Variants in CLDN10 observed in about 807,000 individuals in gnomAD.
The protein encoded by CLDN10 is claudin-10.
Under a neutral mutation model 22.9 loss-of-function variants are expected in CLDN10, and 15 were observed. That is an observed-to-expected ratio of 0.65 (90% CI 0.44 to 1.01). The LOEUF (loss-of-function observed/expected upper bound fraction) is 1.01. Ranked by LOEUF, CLDN10 falls within the 50% of genes least tolerant of loss-of-function variation. The probability of loss-of-function intolerance (pLI) is 0.00; values close to 1 mark genes in which losing one functional copy is unlikely to be tolerated. For synonymous variants in CLDN10, 114 were observed against 111.4 expected, an observed-to-expected ratio of 1.02 and a Z score of -0.15; for missense variants, 247 against 287.8, an observed-to-expected ratio of 0.86 and a Z score of 1.03.
chr13:95,472,852 G>A (rs1272172661), intron 1 of CLDN10, among the ~76,000 whole-genome samples: 1 of 151,644 alleles, frequency 6.6e-6, no homozygotes, highest in Admixed American at 6.6e-5. Flanking sequence ...AGAATCAGGT[G>A]CTCTCTGTCC....
intron 1 of CLDN10, among the ~76,000 whole-genome samples, chr13:95,474,102 T>G (rs1193450544): frequency 6.6e-6 from 1 of 152,202 alleles, no homozygotes; most frequent in Non-Finnish European, 1.5e-5. Flanking sequence ...GAAATAATTA[T>G]ACAACTCACC....
At chr13:95,475,788 C>A (rs1481883525) in intron 1 of CLDN10, among the ~76,000 whole-genome samples, 2 of 147,850 alleles carry the variant, frequency 1.4e-5, no homozygotes, top group Non-Finnish European at 3.0e-5. Flanking sequence ...GTCCCTGCAT[C>A]TCTCTCTCTC....
intron 1 of CLDN10, among the ~76,000 whole-genome samples, chr13:95,504,448 C>T (rs189481265): frequency 1.3e-3 from 200 of 152,230 alleles, no homozygotes; most frequent in African/African-American, 4.7e-3. Flanking sequence ...GGCCTGATCT[C>T]AGCTCACTAC....
At chr13:95,492,263 C>T (rs539966177) in intron 1 of CLDN10, among the ~76,000 whole-genome samples, 3 of 139,760 alleles carry the variant, frequency 2.1e-5, no homozygotes, top group East Asian at 2.3e-4. Context: ...CCTACCAGGG[C>T]GGGTAGGGAA....
At chr13:95,570,864 A>G (rs201696463) in intron 3 of CLDN10, among the ~76,000 whole-genome samples, 35,442 of 136,662 alleles carry the variant, frequency 0.26, 5,443 homozygotes, top group Non-Finnish European at 0.34. Context: ...GTGTGTATAT[A>G]TATATATATA....
chr13:95,514,088 T>C (rs1034687448), intron 1 of CLDN10, among the ~76,000 whole-genome samples: 2 of 152,074 alleles, frequency 1.3e-5, no homozygotes, highest in Non-Finnish European at 2.9e-5. Flanking sequence ...AGAAACCTCA[T>C]CTTTACAAAA....
At chr13:95,570,006 A>ATTCAC (rs2043834861) in intron 3 of CLDN10, among the ~76,000 whole-genome samples, 1 of 152,096 alleles carries the variant, frequency 6.6e-6, no homozygotes, top group South Asian at 2.1e-4. Context: ...CTAATGTCAG[A>ATTCAC]TTCACTTTTG....
At chr13:95,504,191 A>G (rs1473314206) in intron 1 of CLDN10, among the ~76,000 whole-genome samples, 1 of 152,222 alleles carries the variant, frequency 6.6e-6, no homozygotes, top group Admixed American at 6.5e-5. Flanking sequence ...AGAGGACTAC[A>G]GTGAGGTGAA....
upstream of CLDN10, chr13:95,552,607 G>C (rs988725942): frequency 3.0e-6 from 3 of 998,308 alleles, no homozygotes; most frequent in African/African-American, 3.5e-5. Context: ...GGTCGCGTGC[G>C]CCCCCTGGCG....
rs534412009 is a variant in CLDN10 at position 95,457,498 on chromosome 13, C to A, written c.214+23451C>A. Among the ~76,000 whole-genome samples, 112 of 152,126 alleles carry A rather than the reference C, an allele frequency of 7.4e-4. 1 individual carries two copies. The highest frequency in any genetic ancestry group is 7.6e-4 in the Non-Finnish European group (52 of 67,994). On this transcript the variant is annotated intron_variant, in intron 1 of 4. Transcript: ENST00000376873. ...AGAGCAGTTGTGGTTATCTGTTTGA[C>A]CTTGTACTTGGTGAATCACATACTG... is the stretch of plus-strand genomic sequence containing the variant.
chr13:95,460,837 G>A lies in CLDN10; in HGVS notation c.214+26790G>A, dbSNP rs768883450. 1.2e-4 allele frequency among the ~76,000 whole-genome samples: 18 copies of A among 152,166 alleles called. 1 individual carries two copies. Among genetic ancestry groups the A allele is most frequent in the South Asian group, 4.1e-4 (2 of 4,820 alleles). On this transcript the variant is annotated intron_variant, in intron 1 of 4. Transcript: ENST00000376873. ...AAAATTTTAATTTTTAGCTGGGTGC[G>A]GTGGCTCACACCTGTAATCTCAGCA...
chr13:95,449,312 C>T (rs138851966), intron 1 of CLDN10, among the ~76,000 whole-genome samples: 29 of 151,788 alleles, frequency 1.9e-4, no homozygotes, highest in African/African-American at 5.6e-4. Context: ...AGTGCAGTGG[C>T]GCAACCTCGG....
chr13:95,526,701 T>C (rs1162315820), intron 1 of CLDN10, among the ~76,000 whole-genome samples: 4 of 152,036 alleles, frequency 2.6e-5, no homozygotes, highest in Admixed American at 6.6e-5. Context: ...GGCAGGAGAA[T>C]CACTTGAACC....
upstream of CLDN10, among the ~76,000 whole-genome samples, chr13:95,548,804 C>A (rs2043535871): frequency 6.6e-6 from 1 of 152,138 alleles, no homozygotes; most frequent in Non-Finnish European, 1.5e-5. Flanking sequence ...TGATTAGCAG[C>A]ACGCCACCTC....
intron 3 of CLDN10, among the ~76,000 whole-genome samples, chr13:95,562,227 C>T (rs551290436): frequency 2.5e-4 from 38 of 152,068 alleles, no homozygotes; most frequent in Non-Finnish European, 2.8e-4. Flanking sequence ...CCACTGCGCC[C>T]GGCCCCGGAT....
chr13:95,437,758 A>G lies in CLDN10; in HGVS notation c.214+3711A>G, dbSNP rs371760687. 3.9e-5 allele frequency among the ~76,000 whole-genome samples: 6 copies of G among 152,288 alleles called. No individual in the cohort carries two copies. In the South Asian group the frequency reaches 6.2e-4, roughly 16 times the overall value. Reference sequence around the variant, plus strand: ...GCGAGTGAGGAAATGAGCGCAGGCAACCCAAAGGGAGGTCAGTGGATTATG... The same window carrying G: ...GCGAGTGAGGAAATGAGCGCAGGCAGCCCAAAGGGAGGTCAGTGGATTATG... On this transcript the variant is annotated intron_variant, in intron 1 of 4. Coordinates refer to the CLDN10 transcript ENST00000376873.
Position 95,501,651 on chromosome 13 carries a change from G to C in CLDN10, c.215-58481G>C, listed in dbSNP as rs754066282. On this transcript the variant is annotated intron_variant, in intron 1 of 4. Coordinates refer to the CLDN10 transcript ENST00000376873. ...TTTTTCCATATTTCACTTTGAACTT[G>C]TCTGTTTCTTTATATTGCAAGTGCA... 2.2e-4 allele frequency among the ~76,000 whole-genome samples: 33 copies of C among 152,050 alleles called. 1 individual carries two copies. Among genetic ancestry groups the C allele is most frequent in the Non-Finnish European group, 2.6e-4 (18 of 68,012 alleles).
chr13:95,550,261 T>C (rs1485278363), upstream of CLDN10, among the ~76,000 whole-genome samples: 1 of 152,260 alleles, frequency 6.6e-6, no homozygotes, highest in Non-Finnish European at 1.5e-5. Context: ...AAATAAACTT[T>C]GCAGACTGGT....
intron 1 of CLDN10, among the ~76,000 whole-genome samples, chr13:95,453,003 A>G (rs1442022648): frequency 6.6e-6 from 1 of 152,176 alleles, no homozygotes; most frequent in Non-Finnish European, 1.5e-5. Context: ...ATTAACTTCA[A>G]TGTACAGGTC....
Sources: gnomAD v4.1 joint callset for allele counts (sites outside exome capture counted in the v4.1 genomes callset) on GRCh38, gnomAD v4.1.1 for gene constraint, MANE v1.5 for transcripts, NCBI Gene and HGNC (gene_info 2026-07-23, HGNC 2026-07-21) for gene names.